The following PATJ variants were observed in gnomAD, a reference collection of about 807,000 sequenced individuals.
PATJ encodes PATJ crumbs cell polarity complex component.
Under a neutral mutation model 224.9 loss-of-function variants are expected in PATJ, and 190 were observed. That is an observed-to-expected ratio of 0.84 (90% CI 0.75 to 0.95). The LOEUF (loss-of-function observed/expected upper bound fraction) is 0.95. PATJ is among the 40% of genes least tolerant of loss of function. The pLI is 0.00. For missense variants in PATJ, 2,121 were observed against 2,270.3 expected (o/e 0.93, Z 1.34); for synonymous variants, 769 against 820.3 (o/e 0.94, Z 1.07).
At chr1:61,796,728 C>T (rs796686019) in intron 10 of PATJ, among the ~76,000 whole-genome samples, 2 of 52,452 alleles carry the variant, frequency 3.8e-5, no homozygotes, top group Non-Finnish European at 8.2e-5. Flanking sequence ...CTTTCTTTTT[C>T]TTTCTTTCTT....
intron 24 of PATJ, among the ~76,000 whole-genome samples, chr1:61,902,811 G>A (rs750954182): frequency 1.5e-4 from 23 of 152,232 alleles, no homozygotes; most frequent in South Asian, 4.1e-4. Flanking sequence ...GATAAGGAGC[G>A]TTGGGGTTGG....
At chr1:62,099,628 C>A (rs1308023410) in intron 33 of PATJ, among the ~76,000 whole-genome samples, 1 of 151,916 alleles carries the variant, frequency 6.6e-6, no homozygotes, top group African/African-American at 2.4e-5. Flanking sequence ...GTAAAACATG[C>A]CTGCAAGCAG....
In PATJ at chr1:61,870,259, C is replaced by T. The variant is rs1170572877; in HGVS notation, c.2836-4984C>T. ...GATGGGGAGGTGGGTAGGTAATCTT[C>T]CCCAGAAGTCCAGCCATCTCTGGCT... On this transcript the variant is annotated intron_variant, in intron 20 of 43. Coordinates refer to ENST00000642238, the MANE Select transcript of PATJ (RefSeq NM_001350145.3). 2.6e-5 allele frequency among the ~76,000 whole-genome samples: 4 copies of T among 152,122 alleles called. No homozygotes were observed. In the East Asian group the frequency reaches 7.7e-4, roughly 29 times the overall value.
chr1:62,095,433 T>C (rs1274819564), intron 33 of PATJ, among the ~76,000 whole-genome samples: 4 of 152,246 alleles, frequency 2.6e-5, no homozygotes, highest in African/African-American at 9.6e-5. Flanking sequence ...CCAACTCATC[T>C]TGAATCATCT....
At chr1:61,742,876 G>T (rs2148108567) in intron 1 of PATJ, among the ~76,000 whole-genome samples, 1 of 151,842 alleles carries the variant, frequency 6.6e-6, no homozygotes, top group Non-Finnish European at 1.5e-5. Context: ...GCTCGCCGAG[G>T]CCGCGGGCAG....
intron 17 of PATJ, among the ~76,000 whole-genome samples, chr1:61,843,774 T>G (rs1057227530): frequency 6.6e-6 from 1 of 151,390 alleles, no homozygotes; most frequent in African/African-American, 2.4e-5. Context: ...CTCAAAATAA[T>G]CAGTGTTCCT....
chr1:61,890,108 C>A (rs1319252262), intron 22 of PATJ, among the ~76,000 whole-genome samples: 1 of 152,158 alleles, frequency 6.6e-6, no homozygotes, highest in Non-Finnish European at 1.5e-5. Flanking sequence ...GCTGTTTATA[C>A]CTGTATGACC....
intron 31 of PATJ, among the ~76,000 whole-genome samples, chr1:62,064,218 A>G (rs376726804): frequency 2.0e-4 from 31 of 151,710 alleles, no homozygotes; most frequent in African/African-American, 7.5e-4. Flanking sequence ...GGTATGTTGG[A>G]TTTTATCGAA....
chr1:62,106,045 TAAAA>T (rs1218285369), intron 33 of PATJ, among the ~76,000 whole-genome samples: 72 of 30,200 alleles, frequency 2.4e-3, no homozygotes, highest in Non-Finnish European at 3.4e-3. Context: ...AGACTCCTCT[TAAAA>T]AAAAAAAAAA....
intron 28 of PATJ, among the ~76,000 whole-genome samples, chr1:61,996,200 A>G (rs1473639201): frequency 2.6e-5 from 4 of 152,176 alleles, no homozygotes; most frequent in African/African-American, 9.7e-5. Flanking sequence ...GGATAAAGAC[A>G]TAGAGCTACA....
chr1:62,133,778 G>A (rs929851880), intron 41 of PATJ, among the ~76,000 whole-genome samples: 10 of 142,216 alleles, frequency 7.0e-5, no homozygotes, highest in Non-Finnish European at 1.4e-4. Flanking sequence ...ACAGAGTTGC[G>A]CTCTGAAGCC....
At chr1:61,780,979 G>A (rs185478288) in intron 7 of PATJ, among the ~76,000 whole-genome samples, 6 of 152,244 alleles carry the variant, frequency 3.9e-5, no homozygotes, top group East Asian at 1.9e-4. Flanking sequence ...AAGTACTTAC[G>A]CCAGACATTG....
chr1:62,136,675 G>T (rs1332020652), intron 41 of PATJ, among the ~76,000 whole-genome samples: 1 of 151,072 alleles, frequency 6.6e-6, no homozygotes, highest in Non-Finnish European at 1.5e-5. Flanking sequence ...CTGTGTGTGT[G>T]TGTGTGTGTG....
intron 10 of PATJ, 46 bp downstream of exon 10, chr1:61,795,604 AG>A (rs1162543107): frequency 4.3e-6 from 5 of 1,152,370 alleles, no homozygotes; most frequent in Middle Eastern, 2.0e-4. Context: ...GTTGAAAAAA[AG>A]GTTGATCATT....
intron 33 of PATJ, among the ~76,000 whole-genome samples, chr1:62,085,843 G>A (rs939266901): frequency 1.4e-5 from 2 of 145,656 alleles, no homozygotes; most frequent in African/African-American, 2.7e-5. Context: ...AAAAAAAAAA[G>A]GTATGCATGA....
intron 31 of PATJ, among the ~76,000 whole-genome samples, chr1:62,061,522 G>C (rs1286949700): frequency 6.6e-6 from 1 of 151,942 alleles, no homozygotes; most frequent in Non-Finnish European, 1.5e-5. Flanking sequence ...CCAGTGTTTA[G>C]CTCCCACTTA....
intron 28 of PATJ, among the ~76,000 whole-genome samples, chr1:62,015,889 G>A (rs1006915695): frequency 2.0e-5 from 3 of 151,938 alleles, no homozygotes; most frequent in African/African-American, 7.3e-5. Flanking sequence ...GGCTGGTCTC[G>A]AACTCCTGGC....
At chr1:61,775,113 G>A in intron 6 of PATJ, 93 bp from the exon 7 acceptor site, 1 of 1,288,440 alleles carries the variant, frequency 7.8e-7, no homozygotes, top group Non-Finnish European at 1.1e-6. Context: ...TCAATTTGTT[G>A]CAAATCTGTT....
intron 22 of PATJ, among the ~76,000 whole-genome samples, chr1:61,886,812 C>T (rs61772464): frequency 0.52 from 36,954 of 71,156 alleles, 8,050 homozygotes; most frequent in Non-Finnish European, 0.59. Context: ...AGAGCAAGAC[C>T]CCATCTCAAA....
Sources: gnomAD v4.1 joint callset for allele counts (sites outside exome capture counted in the v4.1 genomes callset) on GRCh38, gnomAD v4.1.1 for gene constraint, MANE v1.5 for transcripts, NCBI Gene and HGNC (gene_info 2026-07-23, HGNC 2026-07-21) for gene names.